Variants in PPFIA2 observed in about 807,000 individuals in gnomAD.
PPFIA2 encodes the protein liprin-alpha-2.
A neutral mutation model predicts 175.5 loss-of-function variants in PPFIA2; 46 were observed. That is an observed-to-expected ratio of 0.26 (90% CI 0.21 to 0.34). PPFIA2 has a LOEUF of 0.34. PPFIA2 is among the 10% of genes least tolerant of loss of function. The pLI is 1.00. For synonymous variants in PPFIA2, 568 were observed against 511.4 expected (o/e 1.11, Z -1.49); for missense variants, 1,179 against 1,506.1 (o/e 0.78, Z 3.60).
chr12:81,425,477 G>A lies in PPFIA2; in HGVS notation c.645+14495C>T, dbSNP rs138477106. Reference sequence around the variant, plus strand: ...CTCCTGCCTCAGCCTCCCGAGTATCGGGGACTACAGGCCTGTGCCACCATG... The same window carrying A: ...CTCCTGCCTCAGCCTCCCGAGTATCAGGGACTACAGGCCTGTGCCACCATG... On this transcript the variant is annotated intron_variant, in intron 7 of 32. Coordinates refer to ENST00000549396, the MANE Select transcript of PPFIA2 (RefSeq NM_003625.5). Among the ~76,000 whole-genome samples, 1,366 of 152,018 alleles carry A rather than the reference G, an allele frequency of 9.0e-3. 10 individuals carry two copies. Among genetic ancestry groups the A allele is most frequent in the Non-Finnish European group, 0.012 (817 of 67,934 alleles).
chr12:81,740,229 A>G lies in PPFIA2; in HGVS notation c.249+13744T>C, dbSNP rs993028114. On this transcript the variant is annotated intron_variant, in intron 3 of 32. Transcript: ENST00000549396. ...GAGCCTTATTATGAGTATTTTTTAAATTATCAGTGTCACAAATAAAACTCT... is the reference window on the plus strand; with the variant it reads ...GAGCCTTATTATGAGTATTTTTTAAGTTATCAGTGTCACAAATAAAACTCT... Among the ~76,000 whole-genome samples the G allele has an allele frequency of 2.6e-5, 4 of 152,286 alleles. No homozygotes were observed. In the East Asian group the frequency reaches 7.7e-4, roughly 29 times the overall value.
chr12:81,371,187 G>A (rs1327801727), intron 11 of PPFIA2, among the ~76,000 whole-genome samples: 2 of 151,600 alleles, frequency 1.3e-5, no homozygotes, highest in Non-Finnish European at 2.9e-5. Context: ...TTTCCTCCAA[G>A]TCGTCCTCAA....
chr12:81,470,681 T>C lies in PPFIA2; in HGVS notation c.304-12815A>G, dbSNP rs115279379. The stretch of plus-strand genomic sequence containing the variant: ...TGGAAACAATCCAAATGTTCAACAG[T>C]GGAGGAATGAATTTTTAAAATGCAT... On this transcript the variant is annotated intron_variant, in intron 4 of 32. Coordinates refer to ENST00000549396, the MANE Select transcript of PPFIA2 (RefSeq NM_003625.5). 1.4e-3 allele frequency among the ~76,000 whole-genome samples: 208 copies of C among 152,316 alleles called. 2 individuals are homozygous for C. The highest frequency in any genetic ancestry group is 4.8e-3 in the African/African-American group (200 of 41,566).
chr12:81,322,724 G>A (rs1222941633), intron 22 of PPFIA2, among the ~76,000 whole-genome samples: 1 of 152,130 alleles, frequency 6.6e-6, no homozygotes, highest in Non-Finnish European at 1.5e-5. Flanking sequence ...ACTTTAGGCC[G>A]AGGTTACGTG....
intron 8 of PPFIA2, among the ~76,000 whole-genome samples, chr12:81,390,356 G>A (rs1478250298): frequency 6.6e-6 from 1 of 151,992 alleles, no homozygotes; most frequent in South Asian, 2.1e-4. Flanking sequence ...TTGAGGAAAT[G>A]TTTTCCAAAG....
intron 4 of PPFIA2, among the ~76,000 whole-genome samples, chr12:81,558,617 G>A (rs1370790912): frequency 6.6e-6 from 1 of 152,136 alleles, no homozygotes; most frequent in African/African-American, 2.4e-5. Flanking sequence ...AAGAAGCCAG[G>A]ACAGCAGAAG....
At chr12:81,587,371 C>T (rs566982902) in intron 4 of PPFIA2, among the ~76,000 whole-genome samples, 3 of 152,070 alleles carry the variant, frequency 2.0e-5, no homozygotes, top group African/African-American at 4.8e-5. Context: ...ACTTGTAAGA[C>T]GTGCCTTCTT....
At chr12:81,404,357 C>G (rs1476988181) in intron 8 of PPFIA2, among the ~76,000 whole-genome samples, 1 of 151,990 alleles carries the variant, frequency 6.6e-6, no homozygotes, top group African/African-American at 2.4e-5. Context: ...TTTTTATAAC[C>G]AGCCAATTGT....
chr12:81,664,545 T>C (rs896924994), intron 4 of PPFIA2, among the ~76,000 whole-genome samples: 2 of 152,140 alleles, frequency 1.3e-5, no homozygotes, highest in Admixed American at 1.3e-4. Context: ...CAACAGGTGC[T>C]GGAGAGGATG....
intron 22 of PPFIA2, among the ~76,000 whole-genome samples, chr12:81,303,101 T>C (rs1019482652): frequency 6.6e-6 from 1 of 152,164 alleles, no homozygotes; most frequent in Non-Finnish European, 1.5e-5. Flanking sequence ...AACCTGTCAA[T>C]GTATGTAAAG....
intron 7 of PPFIA2, among the ~76,000 whole-genome samples, chr12:81,418,441 C>A (rs1245559733): frequency 6.6e-6 from 1 of 151,890 alleles, no homozygotes; most frequent in Non-Finnish European, 1.5e-5. Flanking sequence ...ATTGTTTTGA[C>A]ATTTTTGAAT....
chr12:81,349,232 GGTAGTCT>G (rs1293966753), intron 17 of PPFIA2, among the ~76,000 whole-genome samples: 1 of 152,018 alleles, frequency 6.6e-6, no homozygotes, highest in Non-Finnish European at 1.5e-5. Flanking sequence ...AAAGTACTTT[GGTAGTCT>G]ACTTACATGT....
intron 7 of PPFIA2, among the ~76,000 whole-genome samples, chr12:81,416,074 T>C (rs2045196791): frequency 6.6e-6 from 1 of 151,574 alleles, no homozygotes; most frequent in African/African-American, 2.4e-5. Flanking sequence ...GTCAGAAGAA[T>C]TAGTGGACAT....
intron 8 of PPFIA2, among the ~76,000 whole-genome samples, chr12:81,400,720 T>G (rs1260257165): frequency 6.6e-6 from 1 of 152,120 alleles, no homozygotes; most frequent in Admixed American, 6.6e-5. Context: ...GAGCAACAAC[T>G]TAAAAAAGGA....
intron 4 of PPFIA2, among the ~76,000 whole-genome samples, chr12:81,518,701 A>G (rs993153747): frequency 2.0e-5 from 3 of 152,142 alleles, no homozygotes; most frequent in Admixed American, 2.0e-4. Flanking sequence ...ATTTTTTATA[A>G]TATCTATCTA....
chr12:81,488,887 G>T (rs1406369057), intron 4 of PPFIA2, among the ~76,000 whole-genome samples: 1 of 151,700 alleles, frequency 6.6e-6, no homozygotes, highest in Admixed American at 6.6e-5. Flanking sequence ...AAAAGGGCAG[G>T]GTCTTAATGT....
intron 3 of PPFIA2, among the ~76,000 whole-genome samples, chr12:81,705,611 CACAATATCTCAGTGAATTAAT>C (rs2077040881): frequency 6.6e-6 from 1 of 152,024 alleles, no homozygotes; most frequent in Non-Finnish European, 1.5e-5. Flanking sequence ...AAGATACAAG[CACAATATCTCAGTGAATTAAT>C]ACAATAGATT....
chr12:81,465,897 T>A (rs1003185143), intron 4 of PPFIA2, among the ~76,000 whole-genome samples: 1 of 152,192 alleles, frequency 6.6e-6, no homozygotes, highest in African/African-American at 2.4e-5. Flanking sequence ...TAGAAATTAA[T>A]ACGTAATCAT....
At chr12:81,667,233 A>G (rs1215248496) in intron 4 of PPFIA2, among the ~76,000 whole-genome samples, 1 of 152,014 alleles carries the variant, frequency 6.6e-6, no homozygotes, top group Non-Finnish European at 1.5e-5. Flanking sequence ...TGAAACCTCT[A>G]TTTTACATAA....
Sources: allele counts gnomAD v4.1 joint callset (sites outside exome capture counted in the v4.1 genomes callset), GRCh38; gene constraint gnomAD v4.1.1; transcripts MANE v1.5; gene names NCBI Gene and HGNC (gene_info 2026-07-23, HGNC 2026-07-21).